Variants in CLTCL1 observed in about 807,000 individuals in gnomAD.
CLTCL1 encodes clathrin heavy chain 2.
CLTCL1 carries 159 observed loss-of-function variants against 190.0 expected under a neutral mutation model. The observed-to-expected ratio is 0.84, with a 90% CI of 0.74 to 0.95. CLTCL1 has a LOEUF of 0.95. CLTCL1 is among the 40% of genes least tolerant of loss of function. The pLI, the probability that CLTCL1 is intolerant of heterozygous loss-of-function variation, is 0.00. For missense variants in CLTCL1, 1,878 were observed against 2,033.4 expected (o/e 0.92, Z 1.47); for synonymous variants, 752 against 769.6 (o/e 0.98, Z 0.38).
chr22:19,191,186 G>C (rs1268212455), intron 27 of CLTCL1, 118 bp downstream of exon 27: 9 of 1,208,690 alleles, frequency 7.4e-6, no homozygotes, highest in Admixed American at 2.3e-5. Flanking sequence ...ATACACTGGT[G>C]AATCTTCAAG....
rs183659065 is a variant in CLTCL1 at position 19,187,125 on chromosome 22, T to G, written c.4605+433A>C. Among the ~76,000 whole-genome samples, 6 of 152,036 alleles carry G rather than the reference T, an allele frequency of 3.9e-5. No homozygotes were observed. The East Asian group carries it at 1.2e-3, about 29-fold the overall frequency. On this transcript the variant is annotated intron_variant, in intron 29 of 32. Transcript: ENST00000427926. ...TTTTTGTAAAGATGGGGTCTTGCCA[T>G]GTCGCCTAGGCTGGTCTCAAACTCC...
chr22:19,181,898 G>A (rs577231630), intron 30 of CLTCL1: 2 of 152,380 alleles, frequency 1.3e-5, no homozygotes, highest in Non-Finnish European at 2.9e-5. Context: ...AGGGCCAGTG[G>A]AGTCTGGGAA....
chr22:19,265,626 GTTAATA>G (rs2087098267), intron 2 of CLTCL1, among the ~76,000 whole-genome samples: 1 of 152,052 alleles, frequency 6.6e-6, no homozygotes, highest in African/African-American at 2.4e-5. Context: ...TTTAACAGAA[GTTAATA>G]TTAATAATCT....
chr22:19,283,099 T>C (rs2087780226), intron 1 of CLTCL1, among the ~76,000 whole-genome samples: 1 of 151,908 alleles, frequency 6.6e-6, no homozygotes, highest in Non-Finnish European at 1.5e-5. Context: ...CTCAAACTCC[T>C]GACTTCAAGT....
chr22:19,219,512 CTCTG>C (rs1327678309), intron 18 of CLTCL1, among the ~76,000 whole-genome samples: 5 of 150,296 alleles, frequency 3.3e-5, no homozygotes, highest in African/African-American at 1.2e-4. Context: ...GAGATGGAGT[CTCTG>C]TCTGTCGCCC....
intron 2 of CLTCL1, among the ~76,000 whole-genome samples, chr22:19,274,589 G>A (rs1303525234): frequency 6.6e-6 from 1 of 152,076 alleles, no homozygotes; most frequent in Non-Finnish European, 1.5e-5. Flanking sequence ...AAATAGAAAG[G>A]TCTTAACTTT....
chr22:19,184,303 T>C (rs1051038025), intron 29 of CLTCL1: 4 of 350,228 alleles, frequency 1.1e-5, no homozygotes, highest in African/African-American at 2.2e-5. Context: ...CCACCTGGAG[T>C]TGGCCATGAT....
intron 27 of CLTCL1, among the ~76,000 whole-genome samples, chr22:19,189,967 G>T (rs2084436746): frequency 1.3e-5 from 2 of 151,568 alleles, no homozygotes; most frequent in African/African-American, 2.4e-5. Flanking sequence ...TGTTTTTTTT[G>T]AGATGGAGTC....
intron 3 of CLTCL1, among the ~76,000 whole-genome samples, chr22:19,245,069 G>A (rs2086374166): frequency 6.6e-6 from 1 of 151,938 alleles, no homozygotes; most frequent in African/African-American, 2.4e-5. Context: ...CTAAGCTGGA[G>A]TAAGAGCTAA....
intron 10 of CLTCL1, among the ~76,000 whole-genome samples, chr22:19,232,227 C>G (rs2085938529): frequency 6.6e-6 from 1 of 152,074 alleles, no homozygotes; most frequent in Non-Finnish European, 1.5e-5. Context: ...ACACCCTACA[C>G]CATCACCACC....
At chr22:19,245,722 T>C (rs1239453790) in intron 3 of CLTCL1, among the ~76,000 whole-genome samples, 2 of 152,238 alleles carry the variant, frequency 1.3e-5, no homozygotes, top group Non-Finnish European at 2.9e-5. Context: ...TCCATAGATT[T>C]ACTGATTCTA....
rs546447360 is a variant in CLTCL1, at chr22:19,235,168, C to CTT, written c.970-464_970-463dup. Among the ~76,000 whole-genome samples, 724 of 143,400 alleles carry CTT rather than the reference C, an allele frequency of 5.0e-3. 6 individuals are homozygous for CTT. The highest frequency in any genetic ancestry group is 0.017 in the African/African-American group (649 of 39,322). The allele number at this position is 143,400 out of a possible 152,430, so 94.1% of individuals were successfully genotyped here. ...TATAGGAATCAGCCACTGTTCCCGA[C>CTT]TTTTTTTTTTTTTTCCCCTGAGACA... On this transcript the variant is annotated intron_variant, in intron 6 of 32. Coordinates refer to ENST00000427926, the MANE Select transcript of CLTCL1 (RefSeq NM_007098.4).
At chr22:19,271,098 C>T (rs139822533) in intron 2 of CLTCL1, among the ~76,000 whole-genome samples, 1 of 152,118 alleles carries the variant, frequency 6.6e-6, no homozygotes, top group African/African-American at 2.4e-5. Context: ...CTATCCCCCA[C>T]TGAGCTCAGT....
In CLTCL1 at chr22:19,263,113, C is replaced by T. The variant is rs573385892; in HGVS notation, c.251-8886G>A. Among the ~76,000 whole-genome samples the T allele has an allele frequency of 2.4e-4, 36 of 150,638 alleles. 1 individual carries two copies. The highest frequency in any genetic ancestry group is 9.7e-4 in the East Asian group (5 of 5,130). ...TTTAGGAATAAATAAATAGATTATTCATTTATTTATTTATTTATTTTGAGA... is the reference window on the plus strand; with the variant it reads ...TTTAGGAATAAATAAATAGATTATTTATTTATTTATTTATTTATTTTGAGA... On this transcript the variant is annotated intron_variant, in intron 2 of 32. Transcript: ENST00000427926.
At chr22:19,225,424 TG>T (rs2085709535) in intron 13 of CLTCL1, 28 bp downstream of exon 13, 4 of 1,531,662 alleles carry the variant, frequency 2.6e-6, no homozygotes, top group Non-Finnish European at 3.5e-6. Flanking sequence ...AGTCACATGG[TG>T]GGGTCGGCGA....
rs375815967 is a variant in CLTCL1 at position 19,224,031 on chromosome 22, T to C, written c.2152A>G (p.Ile718Val). Residue 718 changes from isoleucine (I) to valine (V), a missense_variant, in exon 14 of 33, where the codon ATC becomes GTC. Transcript: ENST00000427926. ...YKGLFYFLGSIVNFSQDPDVH... is the reference protein window; with the variant it reads ...YKGLFYFLGSVVNFSQDPDVH... ...TCTGGGTCTTGGCTGAAGTTCACGA[T>C]TGAGCCCAGGAAGTAGAAGAGGCCT... 1.3e-5 allele frequency: 21 copies of C among 1,613,996 alleles called. 1 individual carries two copies. The highest frequency in any genetic ancestry group is 4.0e-5 in the African/African-American group (3 of 75,054).
intron 9 of CLTCL1, 191 bp from the exon 10 acceptor site, chr22:19,232,789 C>T: frequency 2.6e-6 from 2 of 779,594 alleles, no homozygotes; most frequent in Non-Finnish European, 2.0e-6. Context: ...ATGGAAGGCA[C>T]AATTAACTAT....
In CLTCL1 at chr22:19,198,825, G is replaced by T. The variant is rs2084790155; in HGVS notation, c.3873+909C>A. On this transcript the variant is annotated intron_variant, in intron 24 of 32. Coordinates refer to ENST00000427926, the MANE Select transcript of CLTCL1 (RefSeq NM_007098.4). This position sits in a 1 kb window ranked among gnomAD's most constrained non-coding sequence, Gnocchi z 4.1. The stretch of plus-strand genomic sequence containing the variant: ...AATTAAATAGAGGCTTTTCTGTTTT[G>T]TTCACTGACACAATTATTGAGAATA... Among the ~76,000 whole-genome samples, 1 of 152,130 alleles carries T rather than the reference G, an allele frequency of 6.6e-6. No homozygotes were observed. Among genetic ancestry groups the T allele is most frequent in the Non-Finnish European group, 1.5e-5 (1 of 68,022 alleles).
chr22:19,190,094 C>T (rs1720593463), intron 27 of CLTCL1, among the ~76,000 whole-genome samples: 1 of 152,178 alleles, frequency 6.6e-6, no homozygotes, highest in Non-Finnish European at 1.5e-5. Flanking sequence ...GTGCCTGTCA[C>T]CACGTCTGGC....
Sources: gnomAD v4.1 joint callset for allele counts (sites outside exome capture counted in the v4.1 genomes callset) on GRCh38, gnomAD v4.1.1 for gene constraint, Gnocchi (gnomAD v3.1) non-coding constraint, MANE v1.5 for transcripts, NCBI Gene and HGNC (gene_info 2026-07-23, HGNC 2026-07-21) for gene names.